NCAM1: variants seen among roughly 807,000 people sequenced by gnomAD.
NCAM1 encodes the protein neural cell adhesion molecule 1, also known as antigen recognized by monoclonal antibody 5.1H11.
A neutral mutation model predicts 109.8 loss-of-function variants in NCAM1; 14 were observed. The observed-to-expected ratio is 0.13, with a 90% CI of 0.08 to 0.20. The LOEUF (loss-of-function observed/expected upper bound fraction) is 0.20, where lower values mean the gene tolerates loss of function less well. NCAM1 is among the 10% of genes least tolerant of loss of function. NCAM1 has a pLI of 1.00. For synonymous variants in NCAM1, 418 were observed against 442.9 expected, an observed-to-expected ratio of 0.94 and a Z score of 0.70; for missense variants, 774 against 1,109.9, an observed-to-expected ratio of 0.70 and a Z score of 4.30.
At chr11:113,259,129 G>A (rs1191428241) in intron 16 of NCAM1, among the ~76,000 whole-genome samples, 8 of 147,410 alleles carry the variant, frequency 5.4e-5, no homozygotes, top group African/African-American at 1.5e-4. Context: ...TCGGCTCGCT[G>A]CAAGCTCTGC....
At chr11:113,038,990 C>T (rs891380116) in intron 1 of NCAM1, among the ~76,000 whole-genome samples, 32 of 152,192 alleles carry the variant, frequency 2.1e-4, no homozygotes, top group African/African-American at 7.2e-4. Context: ...CTTCTCTTCA[C>T]GTATGTAAAT....
At chr11:113,145,848 C>G (rs1027818643) in intron 1 of NCAM1, among the ~76,000 whole-genome samples, 3 of 151,780 alleles carry the variant, frequency 2.0e-5, no homozygotes, top group Non-Finnish European at 2.9e-5. Flanking sequence ...ATAACCCTCT[C>G]CGGAGGCAGT....
intron 16 of NCAM1, among the ~76,000 whole-genome samples, chr11:113,256,432 G>T (rs1945836628): frequency 6.6e-6 from 1 of 152,180 alleles, no homozygotes; most frequent in African/African-American, 2.4e-5. Flanking sequence ...TGTACAGTAG[G>T]TCTTACCATT....
At chr11:113,002,718 C>T (rs1038697624) in intron 1 of NCAM1, among the ~76,000 whole-genome samples, 22 of 152,086 alleles carry the variant, frequency 1.4e-4, no homozygotes, top group African/African-American at 5.3e-4. Flanking sequence ...TTCAAGTGGG[C>T]CCTCCAGCTA....
At chr11:113,155,650 A>G (rs549677519) in intron 1 of NCAM1, among the ~76,000 whole-genome samples, 2 of 152,318 alleles carry the variant, frequency 1.3e-5, no homozygotes, top group Admixed American at 6.5e-5. Flanking sequence ...CACCCACACT[A>G]GTGAACTGAA....
intron 9 of NCAM1, among the ~76,000 whole-genome samples, chr11:113,228,505 C>T (rs1394293393): frequency 6.6e-6 from 1 of 152,136 alleles, no homozygotes; most frequent in Non-Finnish European, 1.5e-5. Context: ...GGCCATACTG[C>T]CCAAGGTAAT....
At chr11:113,123,787 A>AGCTGTG in intron 1 of NCAM1, among the ~76,000 whole-genome samples, 1 of 152,312 alleles carries the variant, frequency 6.6e-6, no homozygotes, top group African/African-American at 2.4e-5. Flanking sequence ...TACAGCCCAC[A>AGCTGTG]GCCTTTCCTT....
At position 113,068,059 on chromosome 11, in the gene NCAM1, C is replaced by T. The variant is rs562825254; in HGVS notation, c.52+106395C>T. Among the ~76,000 whole-genome samples, 8 of 152,164 alleles carry T rather than the reference C, an allele frequency of 5.3e-5. No individual in the cohort carries two copies. In the South Asian group the frequency reaches 1.0e-3, roughly 20 times the overall value. On this transcript the variant is annotated intron_variant, in intron 1 of 19. Coordinates refer to ENST00000316851, the MANE Select transcript of NCAM1 (RefSeq NM_181351.5). ...CCGAGTAGCTGGGACTACGGGCACC[C>T]GCCACCATGCCTGGCTAATTTTTTC...
At chr11:112,995,851 T>C (rs1951580065) in intron 1 of NCAM1, among the ~76,000 whole-genome samples, 1 of 152,202 alleles carries the variant, frequency 6.6e-6, no homozygotes, top group Admixed American at 6.5e-5. Context: ...CCCATGTCTG[T>C]TTCTGTTTGG....
At chr11:113,181,571 G>C (rs1943333709) in intron 1 of NCAM1, among the ~76,000 whole-genome samples, 1 of 152,072 alleles carries the variant, frequency 6.6e-6, no homozygotes, top group Non-Finnish European at 1.5e-5. Context: ...ATGGATGCTG[G>C]GCTTAATACC....
At chr11:113,166,127 G>A (rs545937964) in intron 1 of NCAM1, among the ~76,000 whole-genome samples, 60 of 152,208 alleles carry the variant, frequency 3.9e-4, no homozygotes, top group Non-Finnish European at 7.2e-4. Context: ...CACCGCGCCC[G>A]GGCAAAATTG....
At chr11:113,201,869 T>C (rs1294142278) in intron 1 of NCAM1, among the ~76,000 whole-genome samples, 1 of 152,188 alleles carries the variant, frequency 6.6e-6, no homozygotes, top group Non-Finnish European at 1.5e-5. Context: ...TGAGCCCTCC[T>C]AGTGATTGTG....
intron 1 of NCAM1, among the ~76,000 whole-genome samples, chr11:113,017,341 G>A (rs1355394060): frequency 2.6e-5 from 4 of 152,148 alleles, no homozygotes; most frequent in East Asian, 1.9e-4. Context: ...TTTTTAAAAG[G>A]CAGATACAAA....
Position 113,270,277 on chromosome 11 carries a change from A to G in NCAM1, c.2221A>G (p.Ile741Val). The change falls in exon 18 of 20, where the codon ATC becomes GTC. Residue 741 changes from isoleucine to valine, a missense_variant. Ile to Val is a conservative substitution (Grantham distance 29). This residue lies in a region of NCAM1 where 523 missense variants were observed against 784.2 expected (regional missense o/e 0.67). Transcript: ENST00000316851. ...CGTCCTGCTCCTGGTGGTTGTGGAC[A>G]TCACCTGCTACTTCCTGAACAAGTG... ...IFVLLLVVVDITCYFLNKCGL... is the reference protein window; with the variant it reads ...IFVLLLVVVDVTCYFLNKCGL... 6.2e-7 allele frequency: 1 copy of G among 1,614,040 alleles called. No homozygotes were observed. The highest frequency in any genetic ancestry group is 1.1e-5 in the South Asian group (1 of 91,084).
Position 113,260,129 on chromosome 11 carries a change from C to G in NCAM1, c.1954-17C>G. 1.2e-6 allele frequency: 2 copies of G among 1,600,300 alleles called. No individual in the cohort carries two copies. The highest frequency in any genetic ancestry group is 1.7e-6 in the Non-Finnish European group (2 of 1,175,282). Reference sequence around the variant, plus strand: ...TTTTTGGTCTCTTGTATCCTTCTTGCCGGTTTCTCCCAGAAGCTCTCCTCC... The same window carrying G: ...TTTTTGGTCTCTTGTATCCTTCTTGGCGGTTTCTCCCAGAAGCTCTCCTCC... On this transcript the variant is annotated splice_polypyrimidine_tract_variant and intron_variant, in intron 16 of 19. Transcript: ENST00000316851.
At chr11:113,025,079 A>G (rs77682594) in intron 1 of NCAM1, among the ~76,000 whole-genome samples, 2,241 of 152,370 alleles carry the variant, frequency 0.015, 35 homozygotes, top group Middle Eastern at 0.061. Context: ...TAGTCATTTG[A>G]AAATGGCTTT....
At chr11:113,231,485 C>A (rs1051752252) in intron 9 of NCAM1, 160 bp from the exon 10 acceptor site, 1 of 902,138 alleles carries the variant, frequency 1.1e-6, no homozygotes, top group East Asian at 2.6e-5. Context: ...TTAGATGGTA[C>A]CTAAAGTAAG....
chr11:113,185,976 C>A (rs556811884), intron 1 of NCAM1, among the ~76,000 whole-genome samples: 1 of 152,184 alleles, frequency 6.6e-6, no homozygotes, highest in Non-Finnish European at 1.5e-5. Flanking sequence ...AGCCTGCCCC[C>A]GCTGCATTTG....
chr11:113,275,197 G>A (rs1199588502), intron 19 of NCAM1, 70 bp from the exon 20 acceptor site: 63 of 1,591,350 alleles, frequency 4.0e-5, no homozygotes, highest in Admixed American at 7.0e-5. Flanking sequence ...CTGTCCCCAA[G>A]GCCTGGATGC....
Sources: allele counts gnomAD v4.1 joint callset (sites outside exome capture counted in the v4.1 genomes callset), GRCh38; gene constraint gnomAD v4.1.1; regional missense constraint gnomAD v4.1.1; transcripts MANE v1.5; gene names NCBI Gene and HGNC (gene_info 2026-07-23, HGNC 2026-07-21).